Variants in MAGI1 observed in about 807,000 individuals in gnomAD.
The protein encoded by MAGI1 is membrane associated guanylate kinase, WW and PDZ domain containing 1, also known as membrane-associated guanylate kinase, WW and PDZ domain-containing protein 1.
MAGI1 carries 58 observed loss-of-function variants against 139.9 expected under a neutral mutation model. That is an observed-to-expected ratio of 0.41 (90% CI 0.34 to 0.52). MAGI1 has a LOEUF of 0.52. Ranked by LOEUF, MAGI1 falls within the 20% of genes least tolerant of loss-of-function variation. The pLI, the probability that MAGI1 is intolerant of heterozygous loss-of-function variation, is 0.12. For synonymous variants in MAGI1, 812 were observed against 737.9 expected (o/e 1.10, Z -1.63); for missense variants, 1,874 against 1,901.6 (o/e 0.99, Z 0.27).
intron 1 of MAGI1, among the ~76,000 whole-genome samples, chr3:65,626,016 A>C (rs528956617): frequency 6.6e-6 from 1 of 152,326 alleles, no homozygotes; most frequent in East Asian, 1.9e-4. Flanking sequence ...TTGAGGTATA[A>C]GGCACTCTAG....
chr3:65,640,218 C>T (rs559879062), intron 1 of MAGI1, among the ~76,000 whole-genome samples: 1 of 152,018 alleles, frequency 6.6e-6, no homozygotes, highest in South Asian at 2.1e-4. Flanking sequence ...ATCTCCTTCT[C>T]TCTATATATA....
Position 65,723,243 on chromosome 3 carries a change from G to A in MAGI1, c.314-101155C>T, listed in dbSNP as rs143256119. 3.2e-3 allele frequency among the ~76,000 whole-genome samples: 481 copies of A among 152,266 alleles called. 1 individual carries two copies. The highest frequency in any genetic ancestry group is 4.2e-3 in the African/African-American group (175 of 41,560). Reference sequence around the variant, plus strand: ...CCTTGTGGCACTGTGGGTACACCTCGGAGGAAGTGTGTGTGTTTATAAGCA... The same window carrying A: ...CCTTGTGGCACTGTGGGTACACCTCAGAGGAAGTGTGTGTGTTTATAAGCA... On this transcript the variant is annotated intron_variant, in intron 1 of 22. Transcript: ENST00000402939.
chr3:65,596,641 C>T (rs576373943), intron 2 of MAGI1, among the ~76,000 whole-genome samples: 4 of 152,318 alleles, frequency 2.6e-5, no homozygotes, highest in Admixed American at 1.3e-4. Context: ...TCCTTGTACA[C>T]TCCATTGCCC....
At chr3:65,803,546 CTT>C (rs769262841) in intron 1 of MAGI1, among the ~76,000 whole-genome samples, 2 of 151,990 alleles carry the variant, frequency 1.3e-5, no homozygotes, top group Non-Finnish European at 2.9e-5. Flanking sequence ...AAAATAATTT[CTT>C]TTTTGTTTTA....
chr3:65,628,920 G>A (rs4374476), intron 1 of MAGI1, among the ~76,000 whole-genome samples: 7,088 of 151,722 alleles, frequency 0.047, 298 homozygotes, highest in African/African-American at 0.11. Context: ...TTTCTTATAC[G>A]TTTTCCTATT....
chr3:65,378,139 T>C (rs1275590531), intron 17 of MAGI1, among the ~76,000 whole-genome samples: 3 of 152,216 alleles, frequency 2.0e-5, no homozygotes, highest in Non-Finnish European at 1.5e-5. Context: ...GGATCATTTT[T>C]GGAGTGTACA....
chr3:65,841,345 T>C (rs571168035), intron 1 of MAGI1, among the ~76,000 whole-genome samples: 77 of 152,228 alleles, frequency 5.1e-4, no homozygotes, highest in African/African-American at 1.7e-3. Flanking sequence ...CGTCTTCTAG[T>C]TTCTTGATGT....
chr3:65,929,092 T>C (rs998824189), intron 1 of MAGI1, among the ~76,000 whole-genome samples: 1 of 151,166 alleles, frequency 6.6e-6, no homozygotes, highest in Non-Finnish European at 1.5e-5. Context: ...AGGTCGAGGC[T>C]GCAGTGAGCC....
At chr3:65,912,255 G>T in intron 1 of MAGI1, among the ~76,000 whole-genome samples, 1 of 109,448 alleles carries the variant, frequency 9.1e-6, no homozygotes, top group African/African-American at 3.7e-5. Flanking sequence ...AAAAAAAAGA[G>T]TTCTGCTTCC....
chr3:65,654,040 T>C (rs1433645457), intron 1 of MAGI1, among the ~76,000 whole-genome samples: 1 of 152,202 alleles, frequency 6.6e-6, no homozygotes, highest in Non-Finnish European at 1.5e-5. Context: ...TTAGAGATGA[T>C]TAATTTGATT....
At chr3:65,591,366 G>C (rs2081957373) in intron 2 of MAGI1, among the ~76,000 whole-genome samples, 1 of 151,994 alleles carries the variant, frequency 6.6e-6, no homozygotes, top group Non-Finnish European at 1.5e-5. Flanking sequence ...ACACCCCTCA[G>C]GTCATCCATC....
intron 12 of MAGI1, among the ~76,000 whole-genome samples, chr3:65,425,118 AAAAAAAAAAAAAAAC>A (rs1946924567): frequency 3.9e-5 from 2 of 50,892 alleles, no homozygotes; most frequent in African/African-American, 9.0e-5. Flanking sequence ...TAAAAAAAAA[AAAAAAAAAAAAAAAC>A]AAAAAAAAAC....
intron 3 of MAGI1, among the ~76,000 whole-genome samples, chr3:65,490,937 T>A (rs1395483772): frequency 6.6e-6 from 1 of 151,484 alleles, no homozygotes; most frequent in Non-Finnish European, 1.5e-5. Context: ...TGAAGAACGC[T>A]GTACAAATGG....
chr3:65,832,784 C>T (rs1335641920), intron 1 of MAGI1, among the ~76,000 whole-genome samples: 2 of 152,122 alleles, frequency 1.3e-5, no homozygotes, highest in Non-Finnish European at 2.9e-5. Flanking sequence ...TTCAATCTAA[C>T]CATCATGGTC....
At chr3:66,022,113 C>T (rs375479276) in intron 1 of MAGI1, among the ~76,000 whole-genome samples, 1 of 151,598 alleles carries the variant, frequency 6.6e-6, no homozygotes, top group Non-Finnish European at 1.5e-5. Context: ...CTCCTTCCAC[C>T]AAAAAAAAGC....
chr3:65,986,841 T>C (rs2065905652), intron 1 of MAGI1, among the ~76,000 whole-genome samples: 1 of 151,636 alleles, frequency 6.6e-6, no homozygotes, highest in Admixed American at 6.6e-5. Flanking sequence ...TTCTTTACAA[T>C]GAAGGTAAGT....
At chr3:65,800,406 G>A (rs1197034673) in intron 1 of MAGI1, among the ~76,000 whole-genome samples, 2 of 152,222 alleles carry the variant, frequency 1.3e-5, no homozygotes, top group Non-Finnish European at 2.9e-5. Flanking sequence ...GTATCTTTTA[G>A]TAATTGTGAA....
At chr3:65,898,325 G>A (rs748896203) in intron 1 of MAGI1, among the ~76,000 whole-genome samples, 15 of 152,110 alleles carry the variant, frequency 9.9e-5, no homozygotes, top group Non-Finnish European at 1.3e-4. Context: ...TAGTAGCTTG[G>A]AGATAAAGCA....
intron 1 of MAGI1, among the ~76,000 whole-genome samples, chr3:65,629,963 A>G (rs1289589757): frequency 6.6e-6 from 1 of 152,200 alleles, no homozygotes; most frequent in Non-Finnish European, 1.5e-5. Context: ...ACCACAATGA[A>G]AAAGCAATAT....
Sources: allele counts gnomAD v4.1 joint callset (sites outside exome capture counted in the v4.1 genomes callset), GRCh38; gene constraint gnomAD v4.1.1; transcripts MANE v1.5; gene names NCBI Gene and HGNC (gene_info 2026-07-23, HGNC 2026-07-21).